Variants in SYT14 observed in about 807,000 individuals in gnomAD.
SYT14 encodes the protein synaptotagmin 14.
SYT14 carries 32 observed loss-of-function variants against 74.2 expected under a neutral mutation model. The ratio of observed to expected loss-of-function variants is 0.43; its 90% CI spans 0.33 to 0.58. The LOEUF (loss-of-function observed/expected upper bound fraction) is 0.58. SYT14 is among the 20% of genes least tolerant of loss of function. The pLI is 0.05. For synonymous variants in SYT14, 298 were observed against 337.7 expected (o/e 0.88, Z 1.29); for missense variants, 791 against 981.8 (o/e 0.81, Z 2.60).
At chr1:210,042,816 A>G (rs911933419) in intron 5 of SYT14, among the ~76,000 whole-genome samples, 1 of 152,190 alleles carries the variant, frequency 6.6e-6, no homozygotes, top group Non-Finnish European at 1.5e-5. Context: ...CTTTTTGCTT[A>G]GGATTGTCTT....
At chr1:209,951,447 G>A (rs899373376) in intron 1 of SYT14, among the ~76,000 whole-genome samples, 31 of 152,074 alleles carry the variant, frequency 2.0e-4, no homozygotes, top group Admixed American at 2.0e-3. Context: ...CATCCATGTT[G>A]TTGCACATGA....
rs116072609 is a variant in SYT14, at chr1:210,035,468, C to T, written c.1312+14214C>T. On this transcript the variant is annotated intron_variant, in intron 5 of 9. Coordinates refer to ENST00000637265, the Ensembl canonical transcript of SYT14. ...TTTCTGTTGTTTTTGCTTTTGATGT[C>T]TTAGTCATGAATTCTTTGTCTAGGC... Among the ~76,000 whole-genome samples, 442 of 151,802 alleles carry T rather than the reference C, an allele frequency of 2.9e-3. 2 individuals are homozygous for T. The highest frequency in any genetic ancestry group is 9.8e-3 in the African/African-American group (407 of 41,464).
chr1:210,041,960 T>C (rs1371479709), intron 5 of SYT14, among the ~76,000 whole-genome samples: 1 of 152,058 alleles, frequency 6.6e-6, no homozygotes, highest in Non-Finnish European at 1.5e-5. Flanking sequence ...GGGTTTTATA[T>C]CCCAGCATGA....
At chr1:210,048,703 C>T (rs1468926830) in intron 5 of SYT14, among the ~76,000 whole-genome samples, 2 of 152,164 alleles carry the variant, frequency 1.3e-5, no homozygotes, top group African/African-American at 4.8e-5. Flanking sequence ...CATTTGAAAA[C>T]CAATCATGCT....
At chr1:210,116,175 T>A (rs1475757711) in intron 7 of SYT14, among the ~76,000 whole-genome samples, 1 of 152,230 alleles carries the variant, frequency 6.6e-6, no homozygotes, top group African/African-American at 2.4e-5. Context: ...CATCTGGATG[T>A]ATATGTGCAG....
intron 7 of SYT14, among the ~76,000 whole-genome samples, chr1:210,132,496 A>T (rs1368421374): frequency 6.6e-6 from 1 of 151,046 alleles, no homozygotes; most frequent in Admixed American, 6.6e-5. Flanking sequence ...CATCACCCTT[A>T]ATTGGTTTTG....
At chr1:209,956,861 T>G (rs1280783228) in intron 2 of SYT14, among the ~76,000 whole-genome samples, 2 of 152,024 alleles carry the variant, frequency 1.3e-5, no homozygotes, top group African/African-American at 4.8e-5. Flanking sequence ...GGTTGTTTTG[T>G]TTTGTTTTGT....
chr1:209,950,469 G>A (rs1266799652), intron 1 of SYT14, among the ~76,000 whole-genome samples: 1 of 152,142 alleles, frequency 6.6e-6, no homozygotes, highest in Non-Finnish European at 1.5e-5. Flanking sequence ...TGATCTGTGG[G>A]TAATACTCCA....
At chr1:209,944,014 A>G (rs1261429129) in intron 1 of SYT14, among the ~76,000 whole-genome samples, 2 of 152,194 alleles carry the variant, frequency 1.3e-5, no homozygotes, top group Non-Finnish European at 2.9e-5. Context: ...CCACACATAT[A>G]TTCAGAACAA....
chr1:210,135,364 A>G lies in SYT14; in HGVS notation c.2035-20357A>G, dbSNP rs115326722. On this transcript the variant is annotated intron_variant, in intron 7 of 9. Transcript: ENST00000637265. Reference sequence around the variant, plus strand: ...GGGTTCATTGATCTTGTCCTGTGCAATGTCTATGTTGGTAATCCAGTCCAG... The same window carrying G: ...GGGTTCATTGATCTTGTCCTGTGCAGTGTCTATGTTGGTAATCCAGTCCAG... 8.7e-4 allele frequency among the ~76,000 whole-genome samples: 133 copies of G among 152,226 alleles called. 1 individual carries two copies. The highest frequency in any genetic ancestry group is 3.0e-3 in the African/African-American group (126 of 41,546).
intron 6 of SYT14, among the ~76,000 whole-genome samples, chr1:210,099,290 A>G (rs1230309684): frequency 6.6e-6 from 1 of 152,158 alleles, no homozygotes; most frequent in African/African-American, 2.4e-5. Context: ...AATTTCTTTT[A>G]ATTTCATAAT....
At chr1:210,137,044 A>G (rs1208808844) in intron 7 of SYT14, among the ~76,000 whole-genome samples, 2 of 152,188 alleles carry the variant, frequency 1.3e-5, no homozygotes, top group African/African-American at 2.4e-5. Context: ...CTGAACCACA[A>G]TCTGCAGGAG....
chr1:210,002,245 C>T (rs1243279408), intron 2 of SYT14, among the ~76,000 whole-genome samples: 1 of 152,080 alleles, frequency 6.6e-6, no homozygotes, highest in African/African-American at 2.4e-5. Context: ...GCCGCCATTT[C>T]TTCAAAAGCC....
At chr1:210,062,465 A>G (rs1266049627) in intron 5 of SYT14, among the ~76,000 whole-genome samples, 3 of 151,912 alleles carry the variant, frequency 2.0e-5, no homozygotes, top group Non-Finnish European at 4.4e-5. Context: ...TGTGCAAATG[A>G]ATAAGGATTA....
intron 7 of SYT14, among the ~76,000 whole-genome samples, chr1:210,141,170 G>A (rs1240201107): frequency 2.0e-5 from 3 of 151,926 alleles, no homozygotes; most frequent in Non-Finnish European, 4.4e-5. Flanking sequence ...ATTAGCATGA[G>A]ATGTCTTTTC....
At chr1:210,044,015 A>C (rs1488540749) in intron 5 of SYT14, among the ~76,000 whole-genome samples, 5 of 152,110 alleles carry the variant, frequency 3.3e-5, no homozygotes, top group Non-Finnish European at 7.4e-5. Flanking sequence ...TCTCAACTTA[A>C]AGCAGTTCCC....
At chr1:210,079,265 A>C (rs2081574062) in intron 5 of SYT14, among the ~76,000 whole-genome samples, 1 of 152,066 alleles carries the variant, frequency 6.6e-6, no homozygotes, top group Non-Finnish European at 1.5e-5. Context: ...TACTATGTTC[A>C]CTATTTGTGG....
chr1:210,084,480 A>G (rs1320119772), intron 5 of SYT14, among the ~76,000 whole-genome samples: 4 of 152,178 alleles, frequency 2.6e-5, no homozygotes, highest in Non-Finnish European at 5.9e-5. Context: ...AAGGCACTTC[A>G]TCTCTCAACT....
intron 1 of SYT14, among the ~76,000 whole-genome samples, chr1:209,945,361 A>G (rs1009045752): frequency 6.6e-6 from 1 of 152,172 alleles, no homozygotes; most frequent in Non-Finnish European, 1.5e-5. Context: ...TGTGTTTTAA[A>G]TTGGTGACCA....
Sources: allele counts gnomAD v4.1 joint callset (sites outside exome capture counted in the v4.1 genomes callset), GRCh38; gene constraint gnomAD v4.1.1; transcripts MANE v1.5; gene names NCBI Gene and HGNC (gene_info 2026-07-23, HGNC 2026-07-21).